The following MAF variants were observed in gnomAD, a reference collection of about 807,000 sequenced individuals.
MAF encodes transcription factor Maf.
MAF carries 10 observed loss-of-function variants against 22.0 expected under a neutral mutation model. The ratio of observed to expected loss-of-function variants is 0.45; its 90% confidence interval spans 0.28 to 0.77. MAF has a LOEUF of 0.77. Among genes scored for constraint, MAF ranks in the 30% least tolerant of loss-of-function variants. The probability of loss-of-function intolerance (pLI) is 0.12; values close to 1 mark genes in which losing one functional copy is unlikely to be tolerated. For synonymous variants in MAF, 337 were observed against 255.8 expected, an observed-to-expected ratio of 1.32 and a Z score of -3.03; for missense variants, 544 against 548.4, an observed-to-expected ratio of 0.99 and a Z score of 0.08.
At chr16:79,385,213 G>C in the MAF span, among the ~76,000 whole-genome samples, 1 of 152,162 alleles carries the variant, frequency 6.6e-6, no homozygotes, top group East Asian at 1.9e-4. Context: ...TTAATATACA[G>C]CCCAAATAAA....
the MAF span, among the ~76,000 whole-genome samples, chr16:79,472,984 A>G: frequency 1.3e-5 from 2 of 152,116 alleles, no homozygotes; most frequent in Non-Finnish European, 2.9e-5. Context: ...ATTCTGTCCT[A>G]TGGAGCTTAC....
the MAF span, among the ~76,000 whole-genome samples, chr16:79,544,539 C>A: frequency 2.0e-5 from 3 of 152,116 alleles, no homozygotes; most frequent in East Asian, 3.9e-4. Flanking sequence ...CTTTGAGAGA[C>A]CGAGTTGGGT....
At chr16:79,596,966 A>C in intron 1 of MAF, 1 of 1,052,044 alleles carries the variant, frequency 9.5e-7, no homozygotes, top group Non-Finnish European at 1.1e-6. Context: ...AAAGAAAAAA[A>C]AACATACATT....
At chr16:79,503,229 T>C in the MAF span, among the ~76,000 whole-genome samples, 1 of 152,236 alleles carries the variant, frequency 6.6e-6, no homozygotes, top group Admixed American at 6.5e-5. Context: ...ACCTTGTTTC[T>C]ATTTTATTCA....
chr16:79,504,125 T>C, the MAF span, among the ~76,000 whole-genome samples: 1 of 152,320 alleles, frequency 6.6e-6, no homozygotes, highest in East Asian at 1.9e-4. Flanking sequence ...GATGTGACTT[T>C]TCACCTTCTG....
the MAF span, among the ~76,000 whole-genome samples, chr16:79,413,928 T>C: frequency 6.6e-6 from 1 of 152,168 alleles, no homozygotes; most frequent in South Asian, 2.1e-4. Flanking sequence ...TGTGCTGAGA[T>C]GGAAAGAGGA....
chr16:79,328,859 G>C, the MAF span, among the ~76,000 whole-genome samples: 1 of 152,200 alleles, frequency 6.6e-6, no homozygotes, highest in African/African-American at 2.4e-5. Flanking sequence ...GCTTTGGCTA[G>C]TTTTCTGCCA....
chr16:79,543,672 TTTTC>T, the MAF span, among the ~76,000 whole-genome samples: 2 of 146,090 alleles, frequency 1.4e-5, no homozygotes, highest in East Asian at 3.9e-4. Context: ...CCTCTTTTCT[TTTTC>T]TTTTTTTTTT....
chr16:79,307,569 ATAG>A, the MAF span, among the ~76,000 whole-genome samples: 5 of 152,234 alleles, frequency 3.3e-5, no homozygotes, highest in Admixed American at 2.0e-4. Flanking sequence ...AAATGAGAAA[ATAG>A]TAGAGTTCAC....
the MAF span, among the ~76,000 whole-genome samples, chr16:79,461,310 C>A: frequency 6.6e-6 from 1 of 152,114 alleles, no homozygotes; most frequent in Non-Finnish European, 1.5e-5. Flanking sequence ...CAATAAAATG[C>A]ATTTTTTGCT....
At chr16:79,325,672 GA>G in the MAF span, among the ~76,000 whole-genome samples, 3 of 151,810 alleles carry the variant, frequency 2.0e-5, no homozygotes, top group Non-Finnish European at 4.4e-5. Context: ...TTAAAAACTA[GA>G]AGAACAAAGC....
the MAF span, among the ~76,000 whole-genome samples, chr16:79,575,358 G>C: frequency 2.6e-5 from 4 of 152,278 alleles, no homozygotes; most frequent in Middle Eastern, 3.4e-3. Context: ...TGACTAAGAG[G>C]AGACAGTCAG....
the MAF span, among the ~76,000 whole-genome samples, chr16:79,302,267 T>C: frequency 3.5e-3 from 531 of 152,332 alleles, 3 homozygotes; most frequent in Non-Finnish European, 4.1e-3. Flanking sequence ...AGACACTGGA[T>C]TACGTTCTGG....
the MAF span, among the ~76,000 whole-genome samples, chr16:79,307,584 G>A: frequency 3.3e-5 from 5 of 152,168 alleles, no homozygotes; most frequent in African/African-American, 1.2e-4. Context: ...AGAGTTCACT[G>A]CTACCCTTTA....
the MAF span, among the ~76,000 whole-genome samples, chr16:79,487,300 T>C: frequency 1.3e-5 from 2 of 151,768 alleles, no homozygotes; most frequent in Non-Finnish European, 2.9e-5. Flanking sequence ...AGAGTAGTGG[T>C]TTTTTAAGGG....
the MAF span, among the ~76,000 whole-genome samples, chr16:79,474,356 T>C: frequency 4.2e-4 from 64 of 152,362 alleles, no homozygotes; most frequent in South Asian, 7.9e-3. Context: ...GAAATCATGC[T>C]TGATGAATCC....
At chr16:79,341,229 T>A in the MAF span, among the ~76,000 whole-genome samples, 1 of 152,186 alleles carries the variant, frequency 6.6e-6, no homozygotes, top group South Asian at 2.1e-4. Flanking sequence ...GACAATGTAG[T>A]GTGGGTAGGT....
the MAF span, among the ~76,000 whole-genome samples, chr16:79,539,570 G>C: frequency 1.3e-5 from 2 of 152,108 alleles, no homozygotes; most frequent in Non-Finnish European, 2.9e-5. Context: ...ACAATTTTTC[G>C]TGAACATTTA....
chr16:79,266,374 C>G, the MAF span, among the ~76,000 whole-genome samples: 5 of 152,160 alleles, frequency 3.3e-5, no homozygotes, highest in Non-Finnish European at 5.9e-5. Flanking sequence ...CTGTAATATA[C>G]CTTGAATCCA....
Sources: allele counts gnomAD v4.1 joint callset (sites outside exome capture counted in the v4.1 genomes callset), GRCh38; gene constraint gnomAD v4.1.1; transcripts MANE v1.5; gene names NCBI Gene and HGNC (gene_info 2026-07-23, HGNC 2026-07-21).